Variants in TIMELESS observed in about 807,000 individuals in gnomAD.
TIMELESS encodes protein timeless homolog.
TIMELESS carries 124 observed loss-of-function variants against 164.3 expected under a neutral mutation model. The ratio of observed to expected loss-of-function variants is 0.75; its 90% CI spans 0.65 to 0.88. The LOEUF (loss-of-function observed/expected upper bound fraction) is 0.88. TIMELESS is among the 40% of genes least tolerant of loss of function. The probability of loss-of-function intolerance (pLI) is 0.00; values close to 1 mark genes in which losing one functional copy is unlikely to be tolerated. For synonymous variants in TIMELESS, 564 were observed against 563.4 expected (o/e 1.00, Z -0.02); for missense variants, 1,422 against 1,491.4 (o/e 0.95, Z 0.77).
chr12:56,449,310 C>T lies in TIMELESS; in HGVS notation c.-62G>A, dbSNP rs755574641. 2.6e-5 allele frequency: 4 copies of T among 152,312 alleles called. No individual in the cohort carries two copies. Among genetic ancestry groups the T allele is most frequent in the Non-Finnish European group, 4.4e-5 (3 of 68,094 alleles). 9.4% of individuals were successfully genotyped at this position (152,312 alleles called of 1,614,324 possible). ...GCCCTCTCGCCACACACTCACTCAC[C>T]CGCTCCCTGCGGGTCCTCAGAAGCC... On this transcript the variant is annotated splice_region_variant and 5_prime_UTR_variant, in exon 1 of 29. Transcript: ENST00000553532.
chr12:56,421,925 C>G lies in TIMELESS; in HGVS notation c.2616G>C (p.Leu872=). 1 of 1,614,170 alleles carries G rather than the reference C, an allele frequency of 6.2e-7. No homozygotes were observed. The highest frequency in any genetic ancestry group is 1.6e-4 in the Middle Eastern group (1 of 6,062). Residue 872 remains leucine (L), a synonymous_variant, in exon 21 of 29, where the codon CTG becomes CTC. Coordinates refer to ENST00000553532, the MANE Select transcript of TIMELESS (RefSeq NM_003920.5). The part of the protein sequence containing the change: ...QIIHHLVQMG[L]ADSVKDFQRK... ...TTTGGAAGTCCTTGACACTGTCAGC[C>G]AGTCCCATCTGTACCAGATGGTGGA...
In TIMELESS at chr12:56,422,957, T is replaced by C. The variant is rs1157986544; in HGVS notation, c.2328A>G (p.Lys776=). 4 of 1,613,786 alleles carry C rather than the reference T, an allele frequency of 2.5e-6. No homozygotes were observed. Among genetic ancestry groups the C allele is most frequent in the Non-Finnish European group, 3.4e-6 (4 of 1,179,952 alleles). The change falls in exon 19 of 29, where the codon AAA becomes AAG. Residue 776 remains lysine, a synonymous_variant. Coordinates refer to ENST00000553532, the MANE Select transcript of TIMELESS (RefSeq NM_003920.5). The part of the protein sequence containing the change: ...LVTFAKYILG[K]FFALAAVNQK... ...GGTTGACTGCAGCCAGTGCAAAAAA[T>C]TTGCCCAGGATGTATTTGGCAAAAG...
chr12:56,433,689 T>C, intron 3 of TIMELESS, 37 bp from the exon 4 acceptor site: 1 of 1,613,856 alleles, frequency 6.2e-7, no homozygotes, highest in Non-Finnish European at 8.5e-7. Flanking sequence ...TTGTTAAGTT[T>C]CTTTACCAGC....
rs1881318803 is a variant in TIMELESS, at chr12:56,417,916, T to C, written c.3547A>G (p.Arg1183Gly). The C allele has an allele frequency of 1.2e-6, 2 of 1,614,258 alleles. No individual in the cohort carries two copies. The highest frequency in any genetic ancestry group is 1.7e-6 in the Non-Finnish European group (2 of 1,180,044). The change falls in exon 28 of 29, where the codon AGG becomes GGG. Residue 1183 changes from arginine to glycine, a missense_variant. By Grantham distance (125) the Arg-to-Gly change is moderately radical. Coordinates refer to ENST00000553532, the MANE Select transcript of TIMELESS (RefSeq NM_003920.5). ...CCATCAAATTCCCTACCTCTGTTCCTGCCCTCATCTTCTTCCTGTTCCTCG... is the reference window on the plus strand; with the variant it reads ...CCATCAAATTCCCTACCTCTGTTCCCGCCCTCATCTTCTTCCTGTTCCTCG... ...SDEEQEEDEG[R>G]NRAPELGAPG...
chr12:56,428,850 G>A, intron 11 of TIMELESS, 33 bp downstream of exon 11: 2 of 1,602,672 alleles, frequency 1.2e-6, no homozygotes, highest in Non-Finnish European at 8.5e-7. Flanking sequence ...CAGATCCCTA[G>A]CTCACTGTAT....
chr12:56,421,057 G>A lies in TIMELESS; in HGVS notation c.2946C>T (p.Ser982=), dbSNP rs770955740. Residue 982 remains serine, a synonymous_variant, in exon 24 of 29, where the codon AGC becomes AGT. Transcript: ENST00000553532. The part of the protein sequence containing the change: ...EEEENLPEED[S]EEEEEGGSEA... Reference sequence around the variant, plus strand: ...CTGAGCCCCCTTCTTCTTCCTCTTCGCTGTCTTCCTCAGGCAGGTTTTCCT... The same window carrying A: ...CTGAGCCCCCTTCTTCTTCCTCTTCACTGTCTTCCTCAGGCAGGTTTTCCT... 106 of 1,613,942 alleles carry A rather than the reference G, an allele frequency of 6.6e-5. No individual in the cohort carries two copies. Among genetic ancestry groups the A allele is most frequent in the South Asian group, 4.0e-4 (36 of 91,076 alleles).
At position 56,425,138 on chromosome 12, in the gene TIMELESS, CTTCTT is replaced by C. The variant is rs755000910; in HGVS notation, c.1588_1592del (p.Lys530GlufsTer17). On this transcript the variant is annotated frameshift_variant, in exon 14 of 29. Coordinates refer to ENST00000553532, the MANE Select transcript of TIMELESS (RefSeq NM_003920.5). LOFTEE classifies it high-confidence loss of function. Reference sequence around the variant, plus strand: ...GGACCTTCTTCTTCTTCTTCCTTCTCTTCTTTTGTTTGTTCTGTGGGGAAAGAATT... The same window carrying C: ...GGACCTTCTTCTTCTTCTTCCTTCTCTTGTTTGTTCTGTGGGGAAAGAATT... 6 of 1,613,466 alleles carry C rather than the reference CTTCTT, an allele frequency of 3.7e-6. No individual in the cohort carries two copies. In the Admixed American group the frequency reaches 5.0e-5, roughly 13 times the overall value.
intron 1 of TIMELESS, among the ~76,000 whole-genome samples, chr12:56,438,886 G>A (rs746248516): frequency 6.7e-6 from 1 of 150,270 alleles, no homozygotes; most frequent in African/African-American, 2.4e-5. Flanking sequence ...AAACACAGCC[G>A]GGTGCAGTGG....
chr12:56,432,616 C>CT, intron 6 of TIMELESS, 92 bp from the exon 7 acceptor site: 1 of 1,515,786 alleles, frequency 6.6e-7, no homozygotes, highest in African/African-American at 1.4e-5. Flanking sequence ...ACCAAGCCTC[C>CT]TCTCCCAGAC....
intron 15 of TIMELESS, 68 bp downstream of exon 15, chr12:56,424,694 C>T: frequency 6.5e-7 from 1 of 1,549,804 alleles, no homozygotes; most frequent in Non-Finnish European, 8.7e-7. Context: ...AGACTGAGAA[C>T]ACTGTACCGC....
Position 56,442,057 on chromosome 12 carries a change from C to T in TIMELESS, c.-62+7253G>A, listed in dbSNP as rs138277835. On this transcript the variant is annotated intron_variant, in intron 1 of 28. Coordinates refer to ENST00000553532, the MANE Select transcript of TIMELESS (RefSeq NM_003920.5). Reference sequence around the variant, plus strand: ...TGAGATCGTGCCACTGCACTCCAGCCTGGGCGACAGAGTGAGACTCCGTCT... The same window carrying T: ...TGAGATCGTGCCACTGCACTCCAGCTTGGGCGACAGAGTGAGACTCCGTCT... Among the ~76,000 whole-genome samples the T allele has an allele frequency of 1.5e-3, 187 of 122,900 alleles. 5 individuals carry two copies. The East Asian group carries it at 0.034, about 22-fold the overall frequency. The allele number at this position is 122,900 out of a possible 152,430, so 80.6% of individuals were successfully genotyped here.
chr12:56,431,417 A>G (rs1254218962), intron 8 of TIMELESS, 54 bp downstream of exon 8: 2 of 1,549,790 alleles, frequency 1.3e-6, no homozygotes, highest in African/African-American at 1.4e-5. Context: ...TTTGCCTTCT[A>G]TGCCCTCAGC....
rs773774318 is a variant in TIMELESS, at chr12:56,428,965, A to C, written c.1222T>G (p.Phe408Val). Residue 408 changes from phenylalanine (F) to valine (V), a missense_variant, in exon 11 of 29, where the codon TTC becomes GTC. Phe to Val is a conservative substitution (Grantham distance 50, BLOSUM62 -1). Transcript: ENST00000553532. ...GTGAGGTTCTGCTCAATGAAGTGGAAGGTACGGACACTGAGGGTCTCAGAA... is the reference window on the plus strand; with the variant it reads ...GTGAGGTTCTGCTCAATGAAGTGGACGGTACGGACACTGAGGGTCTCAGAA... ...LVSETLSVRT[F>V]HFIEQNLTNY... is the part of the protein sequence containing the mutation. The C allele has an allele frequency of 6.2e-7, 1 of 1,614,192 alleles. No individual in the cohort carries two copies.
In TIMELESS at chr12:56,422,093, C is replaced by A. The variant is rs200953867; in HGVS notation, c.2524+13G>T. 1 of 1,614,082 alleles carries A rather than the reference C, an allele frequency of 6.2e-7. No individual in the cohort carries two copies. Among genetic ancestry groups the A allele is most frequent in the East Asian group, 2.2e-5 (1 of 44,874 alleles). On this transcript the variant is annotated intron_variant, in intron 20 of 28. Transcript: ENST00000553532. The stretch of plus-strand genomic sequence containing the variant: ...CCCTCCTCATAAACTCTCCAGATCC[C>A]AAGGCCTCTCACCTTCCACGTCCTT...
chr12:56,427,112 A>C (rs896732290), intron 13 of TIMELESS, among the ~76,000 whole-genome samples: 3 of 151,750 alleles, frequency 2.0e-5, no homozygotes, highest in African/African-American at 7.3e-5. Context: ...ATGTGCCACC[A>C]TGCTGGTGAA....
At chr12:56,444,583 C>G (rs1868323084) in intron 1 of TIMELESS, among the ~76,000 whole-genome samples, 1 of 151,832 alleles carries the variant, frequency 6.6e-6, no homozygotes, top group Non-Finnish European at 1.5e-5. Flanking sequence ...GGCAGTATCT[C>G]AAAAGTGTAG....
chr12:56,433,635 G>A lies in TIMELESS; in HGVS notation c.269C>T (p.Thr90Ile), dbSNP rs372530242. 70 of 1,614,056 alleles carry A rather than the reference G, an allele frequency of 4.3e-5. No homozygotes were observed. Among genetic ancestry groups the A allele is most frequent in the Non-Finnish European group, 5.8e-5 (69 of 1,180,064 alleles). The change falls in exon 4 of 29, where the codon ACA becomes ATA. Residue 90 changes from threonine (T) to isoleucine (I), a missense_variant. Physicochemically the swap from Thr to Ile is moderately conservative, Grantham distance 89 (BLOSUM62 -1). Transcript: ENST00000553532. The stretch of plus-strand genomic sequence containing the variant: ...GCCAAAACAGAGCAAGGCTGGTTGT[G>A]TCAAGTTCACCATCAGTCTGGGAGA... ...DAVIRLMVNL[T>I]QPALLCFGNL... is the part of the protein sequence containing the mutation.
At position 56,421,133 on chromosome 12, in the gene TIMELESS, G is replaced by C; in HGVS notation, c.2870C>G (p.Pro957Arg). 6.2e-7 allele frequency: 1 copy of C among 1,613,862 alleles called. No individual in the cohort carries two copies. The highest frequency in any genetic ancestry group is 8.5e-7 in the Non-Finnish European group (1 of 1,179,998). ...ATCTTTCAGGGACTCCGCTCCATTT[G>C]GCTAAAATTCATTGGGGGTTGGGGG... The part of the protein sequence containing the change: ...RQKKLASSIL[P>R]NGAESLKDFC... Residue 957 changes from proline (P) to arginine (R), a missense_variant and splice_region_variant, in exon 24 of 29, where the codon CCA (proline) becomes CGA (arginine). Coordinates refer to ENST00000553532, the MANE Select transcript of TIMELESS (RefSeq NM_003920.5).
chr12:56,447,198 T>G (rs1043898489), intron 1 of TIMELESS, among the ~76,000 whole-genome samples: 9 of 147,472 alleles, frequency 6.1e-5, no homozygotes, highest in South Asian at 2.2e-4. Context: ...TTTTTTTTTT[T>G]TTTTTTTTTT....
Sources: gnomAD v4.1 joint callset for allele counts (sites outside exome capture counted in the v4.1 genomes callset) on GRCh38, gnomAD v4.1.1 for gene constraint, MANE v1.5 for transcripts, NCBI Gene and HGNC (gene_info 2026-07-23, HGNC 2026-07-21) for gene names.